SREK1: variants seen among roughly 807,000 people sequenced by gnomAD.
SREK1 encodes splicing regulatory glutamine/lysine-rich protein 1.
In SREK1, 13 loss-of-function variants were observed where a neutral mutation model predicts 66.5. That is an observed-to-expected ratio of 0.20 (90% confidence interval 0.13 to 0.31). The LOEUF (loss-of-function observed/expected upper bound fraction) is 0.31, where lower values mean the gene tolerates loss of function less well. Among genes scored for constraint, SREK1 ranks in the 10% least tolerant of loss-of-function variants. The probability of loss-of-function intolerance (pLI) is 1.00; values close to 1 mark genes in which losing one functional copy is unlikely to be tolerated. For synonymous variants in SREK1, 265 were observed against 263.5 expected (o/e 1.01, Z -0.05); for missense variants, 607 against 769.6 (o/e 0.79, Z 2.50).
rs1293961363 is a variant in SREK1 at position 66,156,585 on chromosome 5, T to TC, written c.296-2628dup. ...CAGCGCAACATTTTTCTAGTTTTTT[T>TC]CCCCCCTAGTCTACATCTCTCATAA... is the stretch of plus-strand genomic sequence containing the variant. On this transcript the variant is annotated intron_variant, in intron 2 of 11. Transcript: ENST00000334121. 6.1e-6 allele frequency: 6 copies of TC among 985,362 alleles called. No individual in the cohort carries two copies. In the East Asian group the frequency reaches 6.8e-4, roughly 112 times the overall value. 61.0% of individuals were successfully genotyped at this position (985,362 alleles called of 1,614,324 possible).
intron 7 of SREK1, chr5:66,165,161 T>C: frequency 3.6e-6 from 1 of 277,560 alleles, no homozygotes; most frequent in South Asian, 6.4e-5. Flanking sequence ...ATTCCAGATT[T>C]TTCTAAGAGT....
intron 1 of SREK1, among the ~76,000 whole-genome samples, chr5:66,150,293 T>C (rs1052023314): frequency 1.3e-5 from 2 of 152,220 alleles, no homozygotes; most frequent in South Asian, 4.1e-4. Context: ...AGGCTGTACC[T>C]AATGATTGCG....
In SREK1 at chr5:66,176,244, G is replaced by C. The variant is rs1354983864; in HGVS notation, c.1580+1203G>C. Among the ~76,000 whole-genome samples, 3 of 152,070 alleles carry C rather than the reference G, an allele frequency of 2.0e-5. No homozygotes were observed. In the East Asian group the frequency reaches 5.8e-4, roughly 29 times the overall value. ...ATGTGCTGTGTTTTTCTGTGTGTTT[G>C]GGTCTATTTCTGGGTCTTCTGTGCC... On this transcript the variant is annotated intron_variant, in intron 10 of 11. Coordinates refer to ENST00000334121, the MANE Select transcript of SREK1 (RefSeq NM_001077199.3).
chr5:66,170,309 ATTG>A, intron 8 of SREK1, 139 bp downstream of exon 8: 1 of 1,203,750 alleles, frequency 8.3e-7, no homozygotes, highest in Non-Finnish European at 1.1e-6. Context: ...AACCTTTTTT[ATTG>A]TTTTAGTAAT....
chr5:66,163,634 A>T, intron 5 of SREK1, 158 bp from the exon 6 acceptor site: 1 of 619,284 alleles, frequency 1.6e-6, no homozygotes, highest in Non-Finnish European at 2.5e-6. Flanking sequence ...ATGAGAGATT[A>T]ATCATGGTTT....
Position 66,170,872 on chromosome 5 carries a change from A to G in SREK1, c.1409A>G (p.Lys470Arg), listed in dbSNP as rs1023990536. The G allele has an allele frequency of 6.2e-7, 1 of 1,613,796 alleles. No individual in the cohort carries two copies. ...EKDRSKEIDE[K>R]RKKDKKSRTP... ...GACAGATCCAAAGAGATAGATGAAA[A>G]AAGAAAGAAGGATAAAAAATCCAGA... Residue 470 changes from lysine (K) to arginine (R), a missense_variant, in exon 9 of 12, where the codon AAA (lysine) becomes AGA (arginine). Coordinates refer to ENST00000334121, the MANE Select transcript of SREK1 (RefSeq NM_001077199.3).
At chr5:66,144,828 C>A in intron 1 of SREK1, 1 of 1,117,132 alleles carries the variant, frequency 9.0e-7, no homozygotes, top group Non-Finnish European at 1.1e-6. Flanking sequence ...TCCGTGCCCC[C>A]ACCCTCTTAT....
intron 1 of SREK1, among the ~76,000 whole-genome samples, chr5:66,150,469 G>C (rs1394840583): frequency 6.6e-6 from 1 of 152,196 alleles, no homozygotes; most frequent in Non-Finnish European, 1.5e-5. Flanking sequence ...TATCATTTTT[G>C]GGTGCATTTC....
chr5:66,159,649 T>C (rs1440133149), intron 3 of SREK1, among the ~76,000 whole-genome samples: 1 of 152,198 alleles, frequency 6.6e-6, no homozygotes, highest in Non-Finnish European at 1.5e-5. Flanking sequence ...TCTCAGTTAA[T>C]GAGGATTAAA....
chr5:66,144,687 C>G (rs900766536), intron 1 of SREK1, 150 bp downstream of exon 1: 3 of 1,342,930 alleles, frequency 2.2e-6, no homozygotes, highest in Admixed American at 5.9e-5. Context: ...TTAGGGCACC[C>G]GGGTTCCGCC....
intron 3 of SREK1, 120 bp from the exon 4 acceptor site, chr5:66,161,989 A>G (rs1744811184): frequency 2.7e-6 from 3 of 1,125,990 alleles, no homozygotes; most frequent in Non-Finnish European, 3.7e-6. Context: ...GAAAGTTCGG[A>G]GTCCCTAGTC....
Position 66,170,905 on chromosome 5 carries a change from C to G in SREK1, c.1442C>G (p.Pro481Arg). The change falls in exon 9 of 12, where the codon CCC becomes CGC. Residue 481 changes from proline (P) to arginine (R), a missense_variant. Coordinates refer to ENST00000334121, the MANE Select transcript of SREK1 (RefSeq NM_001077199.3). ...AAGGATAAAAAATCCAGAACACCAC[C>G]CAGGAGTTACAATGCATCGCGAAGA... ...RKKDKKSRTPPRSYNASRRSR... is the reference protein window; with the variant it reads ...RKKDKKSRTPRRSYNASRRSR... 6.2e-7 allele frequency: 1 copy of G among 1,611,592 alleles called. No homozygotes were observed. The highest frequency in any genetic ancestry group is 8.5e-7 in the Non-Finnish European group (1 of 1,179,450).
intron 10 of SREK1, among the ~76,000 whole-genome samples, chr5:66,176,109 C>T (rs1405974551): frequency 6.6e-6 from 1 of 152,056 alleles, no homozygotes; most frequent in East Asian, 1.9e-4. Flanking sequence ...TTCTTGTGTA[C>T]AATATGGCAA....
chr5:66,151,399 G>A (rs1382355999), intron 1 of SREK1, among the ~76,000 whole-genome samples: 1 of 152,166 alleles, frequency 6.6e-6, no homozygotes, highest in Non-Finnish European at 1.5e-5. Flanking sequence ...ATTTTATTGT[G>A]TACCTAGAAA....
At chr5:66,162,617 T>G (rs1158427907) in intron 5 of SREK1, 25 bp downstream of exon 5, 1 of 1,553,098 alleles carries the variant, frequency 6.4e-7, no homozygotes, top group African/African-American at 1.4e-5. Context: ...ACAAAGAAAT[T>G]TTAATGATTT....
intron 2 of SREK1, chr5:66,156,365 A>T: frequency 8.2e-7 from 1 of 1,222,656 alleles, no homozygotes. Flanking sequence ...AGGGTTCATA[A>T]CGTGTTGCAA....
chr5:66,156,216 A>C lies in SREK1; in HGVS notation c.295+2620A>C, dbSNP rs1414721630. 2.3e-6 allele frequency: 3 copies of C among 1,281,798 alleles called. No individual in the cohort carries two copies. In the South Asian group the frequency reaches 8.4e-5, roughly 36 times the overall value. 79.4% of individuals were successfully genotyped at this position (1,281,798 alleles called of 1,614,324 possible). ...GATGGACGCCCTGTCTCTGTTTTTT[A>C]TTGTTTTACTTTAATTTCATTTCTT... is the stretch of plus-strand genomic sequence containing the variant. On this transcript the variant is annotated intron_variant, in intron 2 of 11. Transcript: ENST00000334121.
At position 66,170,801 on chromosome 5, in the gene SREK1, C is replaced by T; in HGVS notation, c.1338C>T (p.Asp446=). ...AAAAAGAGCATGAGAAGGATCGAGACAAAGAGAAGGAAAAGGAACAGGACA... is the reference window on the plus strand; with the variant it reads ...AAAAAGAGCATGAGAAGGATCGAGATAAAGAGAAGGAAAAGGAACAGGACA... The part of the protein sequence containing the change: ...EREKEHEKDR[D]KEKEKEQDKE... The change falls in exon 9 of 12, where the codon GAC becomes GAT. Residue 446 remains aspartate (D), a synonymous_variant. Transcript: ENST00000334121. 1.9e-6 allele frequency: 3 copies of T among 1,608,868 alleles called. No homozygotes were observed. Among genetic ancestry groups the T allele is most frequent in the Non-Finnish European group, 2.5e-6 (3 of 1,177,870 alleles).
intron 2 of SREK1, among the ~76,000 whole-genome samples, chr5:66,155,782 G>GT (rs879497104): frequency 3.9e-5 from 6 of 152,216 alleles, no homozygotes; most frequent in African/African-American, 7.2e-5. Flanking sequence ...ATGTGTAACA[G>GT]TTTCATGCAT....
Sources: allele counts gnomAD v4.1 joint callset (sites outside exome capture counted in the v4.1 genomes callset), GRCh38; gene constraint gnomAD v4.1.1; transcripts MANE v1.5; gene names NCBI Gene and HGNC (gene_info 2026-07-23, HGNC 2026-07-21).